Variants in ZFHX4 observed in about 807,000 individuals in gnomAD.
ZFHX4 encodes zinc finger homeobox protein 4.
A neutral mutation model predicts 267.6 loss-of-function variants in ZFHX4; 56 were observed. The ratio of observed to expected loss-of-function variants is 0.21; its 90% confidence interval spans 0.17 to 0.26. The LOEUF is 0.26. Ranked by LOEUF, ZFHX4 falls within the 10% of genes least tolerant of loss-of-function variation. ZFHX4 has a pLI of 1.00. For missense variants in ZFHX4, 4,332 were observed against 4,420.0 expected, an observed-to-expected ratio of 0.98 and a Z score of 0.56; for synonymous variants, 1,778 against 1,665.6, an observed-to-expected ratio of 1.07 and a Z score of -1.64.
At chr8:76,693,499 T>C (rs1246055568) in intron 1 of ZFHX4, 1 of 151,636 alleles carries the variant, frequency 6.6e-6, no homozygotes. Context: ...GCTGAAGAAA[T>C]TGAGTGTGTA....
intron 3 of ZFHX4, among the ~76,000 whole-genome samples, chr8:76,732,117 C>T (rs912570702): frequency 3.9e-5 from 6 of 151,958 alleles, no homozygotes; most frequent in Admixed American, 6.6e-5. Flanking sequence ...GCTGGGATTA[C>T]AGGCATGAGC....
chr8:76,730,650 G>T (rs1808984027), intron 3 of ZFHX4, among the ~76,000 whole-genome samples: 1 of 152,104 alleles, frequency 6.6e-6, no homozygotes, highest in African/African-American at 2.4e-5. Flanking sequence ...AGTGAGTCGA[G>T]ATTGCACCAT....
rs749867982 is a variant in ZFHX4 at position 76,833,391 on chromosome 8, T to C, written c.3379T>C (p.Leu1127=). Residue 1127 remains leucine (L), a synonymous_variant, in exon 5 of 11, where the codon TTG becomes CTG. Coordinates refer to ENST00000651372, the MANE Select transcript of ZFHX4 (RefSeq NM_024721.5). ...TCDDDLTEQQ[L]RSTSEEQSEE... The stretch of plus-strand genomic sequence containing the variant: ...TGATGATGATCTTACAGAGCAGCAG[T>C]TGAGATCGACCTCAGGTAATGGTTC... The C allele has an allele frequency of 1.7e-5, 28 of 1,609,512 alleles. No individual in the cohort carries two copies. The South Asian group carries it at 3.0e-4, about 17-fold the overall frequency.
chr8:76,855,461 C>T lies in ZFHX4; in HGVS notation c.8540C>T (p.Thr2847Ile). 1 of 1,613,648 alleles carries T rather than the reference C, an allele frequency of 6.2e-7. No homozygotes were observed. Among genetic ancestry groups the T allele is most frequent in the Non-Finnish European group, 8.5e-7 (1 of 1,179,806 alleles). The change falls in exon 10 of 11, where the codon ACT becomes ATT. Residue 2847 changes from threonine (T) to isoleucine (I), a missense_variant. Physicochemically the swap from Thr to Ile is moderately conservative, Grantham distance 89 (BLOSUM62 -1). Transcript: ENST00000651372. ...LSPKEPKTLD[T>I]LPKPATTPTT... is the part of the protein sequence containing the mutation. ...CCCAAAGAGCCAAAAACTCTGGATA[C>T]TCTGCCAAAACCTGCAACCACACCT...
chr8:76,866,156 T>C lies in ZFHX4; in HGVS notation c.*1591T>C, dbSNP rs1265147590. ...GGTTATTTGTAAGAAAGTTAAAGGC[T>C]TGTGAACAAAGAAAGCTAAGCTGTT... is the stretch of plus-strand genomic sequence containing the variant. On this transcript the variant is annotated 3_prime_UTR_variant, in exon 11 of 11. Transcript: ENST00000651372. 3 of 152,664 alleles carry C rather than the reference T, an allele frequency of 2.0e-5. No homozygotes were observed. The highest frequency in any genetic ancestry group is 2.9e-5 in the Non-Finnish European group (2 of 68,042). The allele number at this position is 152,664 out of a possible 1,614,324, so 9.5% of individuals were successfully genotyped here. A position where few individuals can be genotyped will look rare whatever the true frequency, so the allele number is the denominator to read the frequency against.
chr8:76,815,474 G>A (rs190085762), intron 4 of ZFHX4, among the ~76,000 whole-genome samples: 25 of 152,104 alleles, frequency 1.6e-4, no homozygotes, highest in Middle Eastern at 3.4e-3. Context: ...GAAGGGATTA[G>A]CTATCACTCT....
chr8:76,784,889 G>A lies in ZFHX4; in HGVS notation c.3325+6450G>A, dbSNP rs148314845. 5.4e-3 allele frequency among the ~76,000 whole-genome samples: 823 copies of A among 151,912 alleles called. 16 individuals are homozygous for A. Among genetic ancestry groups the A allele is most frequent in the African/African-American group, 0.019 (770 of 41,444 alleles). Reference sequence around the variant, plus strand: ...ATGTGCCAATATATATTCTAATTAGGCTATGCATTACTTGATCAGTTGGTG... The same window carrying A: ...ATGTGCCAATATATATTCTAATTAGACTATGCATTACTTGATCAGTTGGTG... On this transcript the variant is annotated intron_variant, in intron 4 of 10. Coordinates refer to ENST00000651372, the MANE Select transcript of ZFHX4 (RefSeq NM_024721.5).
At chr8:76,688,950 C>G (rs1807758703) in intron 1 of ZFHX4, among the ~76,000 whole-genome samples, 2 of 152,126 alleles carry the variant, frequency 1.3e-5, no homozygotes, top group South Asian at 4.1e-4. Flanking sequence ...CTTGGGAAAT[C>G]ACAAGTATTT....
At chr8:76,846,958 T>C (rs144345234) in intron 6 of ZFHX4, among the ~76,000 whole-genome samples, 38 of 152,270 alleles carry the variant, frequency 2.5e-4, no homozygotes, top group African/African-American at 8.7e-4. Context: ...AATTCCATCA[T>C]GTACGCAAAA....
At chr8:76,759,114 A>G (rs1427475173) in intron 3 of ZFHX4, among the ~76,000 whole-genome samples, 1 of 152,188 alleles carries the variant, frequency 6.6e-6, no homozygotes, top group Non-Finnish European at 1.5e-5. Context: ...GAAAAATGTA[A>G]AACTCACTGC....
chr8:76,787,539 A>G (rs997605347), intron 4 of ZFHX4, among the ~76,000 whole-genome samples: 2 of 151,398 alleles, frequency 1.3e-5, no homozygotes, highest in African/African-American at 4.9e-5. Flanking sequence ...GCGGTGGCTC[A>G]TGCCTGTAAT....
chr8:76,708,909 ACTT>A (rs1467441158), intron 3 of ZFHX4, among the ~76,000 whole-genome samples: 1 of 152,168 alleles, frequency 6.6e-6, no homozygotes, highest in Non-Finnish European at 1.5e-5. Flanking sequence ...CTTATTAAAA[ACTT>A]CTTTTTGTCT....
chr8:76,780,067 A>C (rs1382642512), intron 4 of ZFHX4, among the ~76,000 whole-genome samples: 1 of 151,888 alleles, frequency 6.6e-6, no homozygotes, highest in Non-Finnish European at 1.5e-5. Context: ...TAAAAAAAAA[A>C]ACACAAAAGC....
chr8:76,761,507 C>A lies in ZFHX4; in HGVS notation c.3094-16701C>A, dbSNP rs758119290. On this transcript the variant is annotated intron_variant, in intron 3 of 10. Transcript: ENST00000651372. ...ATTTTACATTTCTTTTCTTTTACTT[C>A]TCCTTTATTACAGTTAGGTTATTAT... Among the ~76,000 whole-genome samples, 78 of 152,068 alleles carry A rather than the reference C, an allele frequency of 5.1e-4. 1 individual carries two copies. The highest frequency in any genetic ancestry group is 5.6e-4 in the Non-Finnish European group (38 of 68,022).
At chr8:76,692,637 G>A (rs1317916473) in intron 1 of ZFHX4, among the ~76,000 whole-genome samples, 1 of 152,024 alleles carries the variant, frequency 6.6e-6, no homozygotes, top group Non-Finnish European at 1.5e-5. Context: ...GTAAATTCAT[G>A]ATGAGTTAAT....
intron 6 of ZFHX4, among the ~76,000 whole-genome samples, chr8:76,848,145 G>A (rs969418259): frequency 6.6e-6 from 1 of 152,144 alleles, no homozygotes; most frequent in African/African-American, 2.4e-5. Context: ...GGTAAATGAG[G>A]TTTTGTGTTT....
intron 3 of ZFHX4, among the ~76,000 whole-genome samples, chr8:76,764,672 C>T (rs2733713): frequency 6.6e-6 from 1 of 152,162 alleles, no homozygotes; most frequent in Admixed American, 6.6e-5. Context: ...CAGTACATTT[C>T]AAAAGTGTCC....
In ZFHX4 at chr8:76,851,661, C is replaced by G; in HGVS notation, c.4740C>G (p.Val1580=). The part of the protein sequence containing the change: ...KKVLQEASSP[V]PQETNSNTDN... ...TTTTGCAGGAAGCCTCCAGTCCTGT[C>G]CCACAAGAAACCAACAGCAACACAG... The change falls in exon 10 of 11, where the codon GTC becomes GTG. Residue 1580 remains valine, a synonymous_variant. Coordinates refer to ENST00000651372, the MANE Select transcript of ZFHX4 (RefSeq NM_024721.5). The G allele has an allele frequency of 2.5e-6, 4 of 1,613,832 alleles. No homozygotes were observed. The highest frequency in any genetic ancestry group is 3.4e-6 in the Non-Finnish European group (4 of 1,179,838).
chr8:76,850,184 G>A (rs1238330581), intron 8 of ZFHX4, 61 bp from the exon 9 acceptor site: 1 of 1,299,238 alleles, frequency 7.7e-7, no homozygotes, highest in Admixed American at 2.0e-5. Context: ...GCAAAAGAGA[G>A]ATGTGATGGA....
Sources: gnomAD v4.1 joint callset for allele counts (sites outside exome capture counted in the v4.1 genomes callset) on GRCh38, gnomAD v4.1.1 for gene constraint, MANE v1.5 for transcripts, NCBI Gene and HGNC (gene_info 2026-07-23, HGNC 2026-07-21) for gene names.